Variants in ZC3H14 observed in about 807,000 individuals in gnomAD.
The protein encoded by ZC3H14 is zinc finger CCCH-type containing 14, also known as zinc finger CCCH domain-containing protein 14.
A neutral mutation model predicts 92.4 loss-of-function variants in ZC3H14; 31 were observed. The ratio of observed to expected loss-of-function variants is 0.34; its 90% confidence interval spans 0.25 to 0.45. The LOEUF is 0.45. Ranked by LOEUF, ZC3H14 falls within the 20% of genes least tolerant of loss-of-function variation. The pLI, the probability that ZC3H14 is intolerant of heterozygous loss-of-function variation, is 1.00. For missense variants in ZC3H14, 781 were observed against 897.3 expected (o/e 0.87, Z 1.66); for synonymous variants, 321 against 300.9 (o/e 1.07, Z -0.69).
chr14:88,589,305 A>G (rs930123274), intron 9 of ZC3H14: 1 of 152,172 alleles, frequency 6.6e-6, no homozygotes, highest in African/African-American at 2.4e-5. Context: ...GTCTATTAAA[A>G]ATATTAAAAT....
At chr14:88,579,020 G>A (rs973905846) in intron 9 of ZC3H14, among the ~76,000 whole-genome samples, 1 of 151,752 alleles carries the variant, frequency 6.6e-6, no homozygotes, top group African/African-American at 2.4e-5. Context: ...CTCTTTTGTC[G>A]TCAAGAAGGA....
At chr14:88,597,794 G>A (rs950392566) in intron 10 of ZC3H14, among the ~76,000 whole-genome samples, 69 of 152,304 alleles carry the variant, frequency 4.5e-4, no homozygotes, top group Middle Eastern at 3.4e-3. Flanking sequence ...CGAGATCTGT[G>A]TGTGGGATCC....
At chr14:88,569,640 G>A (rs776666525) in intron 3 of ZC3H14, among the ~76,000 whole-genome samples, 1 of 152,152 alleles carries the variant, frequency 6.6e-6, no homozygotes, top group Non-Finnish European at 1.5e-5. Flanking sequence ...GAAAGGTGAT[G>A]ATGTAGCAGA....
chr14:88,569,164 G>A (rs1411175378), intron 3 of ZC3H14, among the ~76,000 whole-genome samples: 1 of 152,118 alleles, frequency 6.6e-6, no homozygotes, highest in African/African-American at 2.4e-5. Context: ...ACTGCACCTG[G>A]CCAGCTTCTG....
intron 9 of ZC3H14, among the ~76,000 whole-genome samples, chr14:88,588,572 T>C (rs961401721): frequency 6.6e-6 from 1 of 152,160 alleles, no homozygotes; most frequent in African/African-American, 2.4e-5. Context: ...CTTTTTTTTT[T>C]CTATGTTCCT....
In ZC3H14 at chr14:88,616,927, G is replaced by A. The variant is rs1193680862; in HGVS notation, c.*5176G>A. 1 of 1,574,996 alleles carries A rather than the reference G, an allele frequency of 6.3e-7. No individual in the cohort carries two copies. The highest frequency in any genetic ancestry group is 1.2e-5 in the South Asian group (1 of 85,250). On this transcript the variant is annotated 3_prime_UTR_variant, in exon 17 of 17. Transcript: ENST00000251038. The stretch of plus-strand genomic sequence containing the variant: ...AACTCATCATGGCAAGTGCGGGCAG[G>A]TTGACTATATTCAAAAAGTTTCTTG...
At position 88,613,900 on chromosome 14, in the gene ZC3H14, A is replaced by G. The variant is rs781657444; in HGVS notation, c.*2149A>G. The G allele has an allele frequency of 9.2e-5, 14 of 152,194 alleles. No homozygotes were observed. Among genetic ancestry groups the G allele is most frequent in the African/African-American group, 2.4e-5 (1 of 41,450 alleles). The allele number at this position is 152,194 out of a possible 1,614,324, so 9.4% of individuals were successfully genotyped here. Reference sequence around the variant, plus strand: ...TTCACCTTCCCCTCGTTGCTGGCTGATACAGCGAGGTGGTCAGCTGATGAC... The same window carrying G: ...TTCACCTTCCCCTCGTTGCTGGCTGGTACAGCGAGGTGGTCAGCTGATGAC... On this transcript the variant is annotated 3_prime_UTR_variant, in exon 17 of 17. Transcript: ENST00000251038.
At chr14:88,587,858 T>C (rs2082640214) in intron 9 of ZC3H14, among the ~76,000 whole-genome samples, 1 of 152,072 alleles carries the variant, frequency 6.6e-6, no homozygotes, top group African/African-American at 2.4e-5. Context: ...GGAGAATTGC[T>C]TGAGCCCAGG....
intron 12 of ZC3H14, among the ~76,000 whole-genome samples, chr14:88,606,313 G>T (rs1448180121): frequency 6.6e-6 from 1 of 152,146 alleles, no homozygotes; most frequent in Non-Finnish European, 1.5e-5. Context: ...ACAGGGAGTG[G>T]AGTGGATGGG....
rs778935987 is a variant in ZC3H14, at chr14:88,621,824, A to G, written c.*10073A>G. 1 of 453,590 alleles carries G rather than the reference A, an allele frequency of 2.2e-6. No individual in the cohort carries two copies. Among genetic ancestry groups the G allele is most frequent in the Non-Finnish European group, 4.4e-6 (1 of 225,692 alleles). The allele number at this position is 453,590 out of a possible 1,614,324, so 28.1% of individuals were successfully genotyped here. A position where few individuals can be genotyped will look rare whatever the true frequency, so the allele number is the denominator to read the frequency against. On this transcript the variant is annotated 3_prime_UTR_variant, in exon 17 of 17. Transcript: ENST00000251038. ...ATAATTATACATATCTATAGGGCAT[A>G]GGGTAATACGCATAACCATCACCTC...
At position 88,564,447 on chromosome 14, in the gene ZC3H14, G is replaced by A. The variant is rs558847248; in HGVS notation, c.79+754G>A. Among the ~76,000 whole-genome samples the A allele has an allele frequency of 1.6e-3, 240 of 152,316 alleles. 1 individual carries two copies. The highest frequency in any genetic ancestry group is 5.6e-3 in the African/African-American group (233 of 41,580). On this transcript the variant is annotated intron_variant, in intron 2 of 16. Transcript: ENST00000251038. ...ACTGAGGCTTTGCCTACTTGAGCAA[G>A]GTTTTATGGTTTGCCCCCAAAGCTG... is the stretch of plus-strand genomic sequence containing the variant.
At chr14:88,577,223 A>C (rs1190323265) in intron 8 of ZC3H14, among the ~76,000 whole-genome samples, 2 of 152,192 alleles carry the variant, frequency 1.3e-5, no homozygotes, top group Non-Finnish European at 2.9e-5. Flanking sequence ...CGCACTCTTG[A>C]CCTAATGATA....
At position 88,615,108 on chromosome 14, in the gene ZC3H14, G is replaced by A. The variant is rs1430178038; in HGVS notation, c.*3357G>A. On this transcript the variant is annotated 3_prime_UTR_variant, in exon 17 of 17. Transcript: ENST00000251038. ...GTGAGGCTACAGTTATGTTTTAAAT[G>A]TGCGATTACAGAGATGGCATCTGAA... is the stretch of plus-strand genomic sequence containing the variant. 7 of 152,138 alleles carry A rather than the reference G, an allele frequency of 4.6e-5. No individual in the cohort carries two copies. Among genetic ancestry groups the A allele is most frequent in the African/African-American group, 1.7e-4 (7 of 41,444 alleles). 9.4% of individuals were successfully genotyped at this position (152,138 alleles called of 1,614,324 possible).
At chr14:88,567,128 T>A (rs112073407) in intron 2 of ZC3H14, among the ~76,000 whole-genome samples, 3 of 17,536 alleles carry the variant, frequency 1.7e-4, no homozygotes, top group Admixed American at 5.9e-4. Flanking sequence ...TTATTTATTT[T>A]TTTTTGAGAC....
Position 88,563,186 on chromosome 14 carries a change from TC to T in ZC3H14, c.36+18del. On this transcript the variant is annotated intron_variant, in intron 1 of 16. Transcript: ENST00000251038. ...AAGATCCGGGTGAGGCCCGTGCCGG[TC>T]GGGGGTGGGAAGCCAGGTCTCGGCG... The T allele has an allele frequency of 6.3e-7, 1 of 1,596,324 alleles. No individual in the cohort carries two copies. Among genetic ancestry groups the T allele is most frequent in the Non-Finnish European group, 8.5e-7 (1 of 1,174,406 alleles).
rs1370948304 is a variant in ZC3H14 at position 88,610,887 on chromosome 14, C to T, written c.2151C>T (p.Pro717=). 1 of 1,614,130 alleles carries T rather than the reference C, an allele frequency of 6.2e-7. No homozygotes were observed. The highest frequency in any genetic ancestry group is 1.1e-5 in the South Asian group (1 of 91,080). Reference sequence around the variant, plus strand: ...GACCGGACTGCACATTCTACCATCCCACCATTAATGTCCCACCACGACATG... The same window carrying T: ...GACCGGACTGCACATTCTACCATCCTACCATTAATGTCCCACCACGACATG... ...CTRPDCTFYH[P]TINVPPRHAL... Residue 717 remains proline, a synonymous_variant, in exon 16 of 17, where the codon CCC becomes CCT. Transcript: ENST00000251038.
intron 6 of ZC3H14, 79 bp from the exon 7 acceptor site, chr14:88,574,614 T>C (rs2080924429): frequency 1.3e-6 from 2 of 1,556,434 alleles, no homozygotes; most frequent in Non-Finnish European, 1.8e-6. Context: ...ACTGTTTTTT[T>C]CTTAAAATGG....
Position 88,572,971 on chromosome 14 carries a change from G to A in ZC3H14, c.825G>A (p.Pro275=), listed in dbSNP as rs376420911. Residue 275 remains proline, a synonymous_variant, in exon 6 of 17, where the codon CCG becomes CCA. Coordinates refer to ENST00000251038, the MANE Select transcript of ZC3H14 (RefSeq NM_024824.5). ...ACAGCTTAGAAGAAACGTATAGTCC[G>A]TTCTTTAGAAACAACTCGGAGAAAA... is the stretch of plus-strand genomic sequence containing the variant. ...VLNSLEETYS[P]FFRNNSEKMS... is the part of the protein sequence containing the mutation. 6.0e-5 allele frequency: 97 copies of A among 1,614,084 alleles called. No homozygotes were observed. The highest frequency in any genetic ancestry group is 6.9e-5 in the Non-Finnish European group (82 of 1,180,032).
intron 10 of ZC3H14, among the ~76,000 whole-genome samples, chr14:88,599,546 C>T (rs544880626): frequency 1.6e-4 from 24 of 152,204 alleles, no homozygotes; most frequent in Admixed American, 7.8e-4. Context: ...CGGGAGGGAC[C>T]GGTGCACGCT....
Sources: gnomAD v4.1 joint callset for allele counts (sites outside exome capture counted in the v4.1 genomes callset) on GRCh38, gnomAD v4.1.1 for gene constraint, MANE v1.5 for transcripts, NCBI Gene and HGNC (gene_info 2026-07-23, HGNC 2026-07-21) for gene names.